Variants in INPP4B observed in about 807,000 individuals in gnomAD.
INPP4B encodes the protein inositol polyphosphate 4-phosphatase type II.
Under a neutral mutation model 122.5 loss-of-function variants are expected in INPP4B, and 55 were observed. That is an observed-to-expected ratio of 0.45 (90% CI 0.36 to 0.56). The LOEUF is 0.56. INPP4B is among the 20% of genes least tolerant of loss of function. The probability of loss-of-function intolerance (pLI) is 0.00; values close to 1 mark genes in which losing one functional copy is unlikely to be tolerated. For synonymous variants in INPP4B, 403 were observed against 388.7 expected, an observed-to-expected ratio of 1.04 and a Z score of -0.43; for missense variants, 1,000 against 1,097.7, an observed-to-expected ratio of 0.91 and a Z score of 1.26.
At position 142,648,252 on chromosome 4, in the gene INPP4B, G is replaced by A. The variant is rs143461600; in HGVS notation, c.-191+77587C>T. Among the ~76,000 whole-genome samples the A allele has an allele frequency of 9.0e-3, 1,365 of 152,298 alleles. 25 individuals are homozygous for A. The highest frequency in any genetic ancestry group is 0.031 in the African/African-American group (1,278 of 41,552). ...CTGGTCTTCAGCTCCCAGCATGATC[G>A]ATGCAGAAGATGGGTGATTTCTGCA... On this transcript the variant is annotated intron_variant, in intron 2 of 25. Coordinates refer to ENST00000262992, the MANE Select transcript of INPP4B (RefSeq NM_001101669.3).
intron 9 of INPP4B, among the ~76,000 whole-genome samples, chr4:142,276,213 T>C (rs1299152174): frequency 6.6e-6 from 1 of 151,894 alleles, no homozygotes; most frequent in Non-Finnish European, 1.5e-5. Context: ...TCCTCCAGTA[T>C]CTGTTCCTTC....
intron 9 of INPP4B, among the ~76,000 whole-genome samples, chr4:142,296,339 A>G (rs1353596755): frequency 1.3e-5 from 2 of 152,184 alleles, no homozygotes; most frequent in Non-Finnish European, 2.9e-5. Flanking sequence ...ATAATGAAAA[A>G]CAGTCTAGTT....
intron 25 of INPP4B, among the ~76,000 whole-genome samples, chr4:142,067,043 C>T (rs578048824): frequency 6.6e-6 from 1 of 152,288 alleles, no homozygotes; most frequent in East Asian, 1.9e-4. Context: ...GTCCCTGACC[C>T]CCAAGTAGCC....
chr4:142,631,979 G>T (rs1204620978), intron 2 of INPP4B, among the ~76,000 whole-genome samples: 1 of 152,092 alleles, frequency 6.6e-6, no homozygotes, highest in Non-Finnish European at 1.5e-5. Context: ...AGACCCAAGG[G>T]TTATATACCA....
chr4:142,550,350 T>G (rs1397947443), intron 2 of INPP4B, among the ~76,000 whole-genome samples: 2 of 152,088 alleles, frequency 1.3e-5, no homozygotes, highest in Non-Finnish European at 2.9e-5. Flanking sequence ...GGATGATTCA[T>G]GCTGTGTGGT....
intron 7 of INPP4B, among the ~76,000 whole-genome samples, chr4:142,368,682 G>T (rs984167737): frequency 2.0e-5 from 3 of 150,474 alleles, no homozygotes; most frequent in Non-Finnish European, 4.4e-5. Context: ...TATGGGATGA[G>T]AGAAAATGAT....
chr4:142,491,356 G>A (rs571255630), intron 2 of INPP4B, among the ~76,000 whole-genome samples: 35 of 152,212 alleles, frequency 2.3e-4, no homozygotes, highest in Admixed American at 5.2e-4. Flanking sequence ...TTTTTTATAC[G>A]TGAGCCCAAA....
At chr4:142,770,368 TG>T (rs1332822416) in intron 1 of INPP4B, among the ~76,000 whole-genome samples, 1 of 152,166 alleles carries the variant, frequency 6.6e-6, no homozygotes, top group Admixed American at 6.6e-5. Context: ...GTAAAAGGGC[TG>T]TAATTTGTGA....
At position 142,615,618 on chromosome 4, in the gene INPP4B, A is replaced by AATTTTATTAAT. The variant is rs1334938286; in HGVS notation, c.-191+110220_-191+110221insATTAATAAAAT. On this transcript the variant is annotated intron_variant, in intron 2 of 25. Coordinates refer to ENST00000262992, the MANE Select transcript of INPP4B (RefSeq NM_001101669.3). ...CCACCTAGTTAGTCTCATGATCTCTATTTTTATTAATTTTTTATTAATGCG... is the reference window on the plus strand; with the variant it reads ...CCACCTAGTTAGTCTCATGATCTCTAATTTTATTAATTTTTTATTAATTTTTTATTAATGCG... 1.1e-4 allele frequency among the ~76,000 whole-genome samples: 17 copies of AATTTTATTAAT among 152,078 alleles called. No homozygotes were observed. In the East Asian group the frequency reaches 2.1e-3, roughly 19 times the overall value.
chr4:142,469,340 G>T (rs1342233039), intron 2 of INPP4B, among the ~76,000 whole-genome samples: 1 of 152,024 alleles, frequency 6.6e-6, no homozygotes, highest in Admixed American at 6.5e-5. Flanking sequence ...GAATAACTCT[G>T]TAAGGAAAAT....
At chr4:142,651,723 T>C (rs993125965) in intron 2 of INPP4B, among the ~76,000 whole-genome samples, 4 of 152,080 alleles carry the variant, frequency 2.6e-5, no homozygotes, top group African/African-American at 9.7e-5. Context: ...ATTAAGGCAA[T>C]AATTAACAGC....
intron 2 of INPP4B, among the ~76,000 whole-genome samples, chr4:142,631,802 C>A (rs906841453): frequency 3.3e-5 from 5 of 152,044 alleles, no homozygotes; most frequent in Non-Finnish European, 7.4e-5. Flanking sequence ...AAATACATGC[C>A]AACCTAGAGT....
chr4:142,321,591 GA>G (rs1159196353), intron 7 of INPP4B, among the ~76,000 whole-genome samples: 2 of 152,202 alleles, frequency 1.3e-5, no homozygotes, highest in East Asian at 3.9e-4. Context: ...GATCCATCTT[GA>G]GTCGATTTGT....
chr4:142,419,766 C>T (rs887217432), intron 5 of INPP4B, among the ~76,000 whole-genome samples: 1 of 151,976 alleles, frequency 6.6e-6, no homozygotes, highest in African/African-American at 2.4e-5. Flanking sequence ...TGGCGTGGTC[C>T]CCAAGTGACT....
At chr4:142,130,948 C>G (rs1429853247) in intron 18 of INPP4B, among the ~76,000 whole-genome samples, 1 of 152,170 alleles carries the variant, frequency 6.6e-6, no homozygotes, top group African/African-American at 2.4e-5. Context: ...AACTGATATC[C>G]TGGTTAAACT....
chr4:142,132,291 C>T (rs945792439), intron 18 of INPP4B, among the ~76,000 whole-genome samples: 14 of 151,550 alleles, frequency 9.2e-5, no homozygotes, highest in Non-Finnish European at 2.1e-4. Flanking sequence ...TTGGAGAGAG[C>T]AGAGGCAATG....
intron 2 of INPP4B, among the ~76,000 whole-genome samples, chr4:142,464,489 A>G (rs992222278): frequency 5.3e-5 from 8 of 152,114 alleles, no homozygotes; most frequent in Non-Finnish European, 1.2e-4. Context: ...GTGAAACTAC[A>G]AAGAATAGGC....
At chr4:142,639,508 T>C (rs1471404774) in intron 2 of INPP4B, among the ~76,000 whole-genome samples, 5 of 152,170 alleles carry the variant, frequency 3.3e-5, no homozygotes, top group African/African-American at 1.2e-4. Context: ...GGTTATCACA[T>C]TTTTTGGCAT....
intron 7 of INPP4B, among the ~76,000 whole-genome samples, chr4:142,370,890 T>A (rs1789644264): frequency 6.6e-6 from 1 of 151,898 alleles, no homozygotes; most frequent in Non-Finnish European, 1.5e-5. Context: ...GCAACCCCTA[T>A]CAAAATACCA....
Sources: gnomAD v4.1 joint callset for allele counts (sites outside exome capture counted in the v4.1 genomes callset) on GRCh38, gnomAD v4.1.1 for gene constraint, MANE v1.5 for transcripts, NCBI Gene and HGNC (gene_info 2026-07-23, HGNC 2026-07-21) for gene names.